VAV3: variants seen among roughly 807,000 people sequenced by gnomAD.
The protein encoded by VAV3 is vav guanine nucleotide exchange factor 3.
In VAV3, 94 loss-of-function variants were observed where a neutral mutation model predicts 131.2. That is an observed-to-expected ratio of 0.72 (90% CI 0.61 to 0.85). The LOEUF (loss-of-function observed/expected upper bound fraction) is 0.85. VAV3 is among the 40% of genes least tolerant of loss of function. VAV3 has a pLI of 0.00. For missense variants in VAV3, 939 were observed against 1,002.7 expected (o/e 0.94, Z 0.86); for synonymous variants, 349 against 342.0 (o/e 1.02, Z -0.22).
chr1:107,839,246 C>T (rs1033842717), intron 2 of VAV3, among the ~76,000 whole-genome samples: 1 of 151,974 alleles, frequency 6.6e-6, no homozygotes, highest in African/African-American at 2.4e-5. Context: ...AAGCTTATGA[C>T]CAAATACAAA....
intron 2 of VAV3, among the ~76,000 whole-genome samples, chr1:107,808,034 T>A (rs985934415): frequency 6.6e-6 from 1 of 152,200 alleles, no homozygotes; most frequent in Non-Finnish European, 1.5e-5. Flanking sequence ...TGACCAATGA[T>A]GATTGATTTT....
chr1:107,755,968 TGCAATCG>T (rs1277682148), intron 11 of VAV3, among the ~76,000 whole-genome samples: 1 of 152,238 alleles, frequency 6.6e-6, no homozygotes, highest in African/African-American at 2.4e-5. Flanking sequence ...GTTTTATTTT[TGCAATCG>T]GCTAGTCTTC....
chr1:107,905,420 T>C (rs913257921), intron 1 of VAV3, among the ~76,000 whole-genome samples: 3 of 152,138 alleles, frequency 2.0e-5, no homozygotes, highest in Admixed American at 1.3e-4. Flanking sequence ...TCTGACCAAA[T>C]TGGAAATCTC....
chr1:107,661,390 T>A (rs2101626145), intron 19 of VAV3, among the ~76,000 whole-genome samples: 1 of 152,342 alleles, frequency 6.6e-6, no homozygotes, highest in South Asian at 2.1e-4. Flanking sequence ...ATCATTCTAA[T>A]CCCTCAAGGG....
At chr1:107,692,997 A>AT (rs1659521617) in intron 17 of VAV3, among the ~76,000 whole-genome samples, 1 of 152,140 alleles carries the variant, frequency 6.6e-6, no homozygotes, top group African/African-American at 2.4e-5. Context: ...TAGTGGGGGG[A>AT]AAAGCAAATG....
intron 1 of VAV3, among the ~76,000 whole-genome samples, chr1:107,922,781 C>T (rs958540646): frequency 3.3e-5 from 5 of 149,946 alleles, no homozygotes; most frequent in African/African-American, 7.4e-5. Flanking sequence ...TGAAACCCCG[C>T]CTCTACTAAA....
At chr1:107,940,987 G>C (rs946099168) in intron 1 of VAV3, among the ~76,000 whole-genome samples, 12 of 54,988 alleles carry the variant, frequency 2.2e-4, no homozygotes, top group African/African-American at 5.9e-4. Flanking sequence ...GTATATTTTA[G>C]CACAATTGAA....
chr1:107,670,701 C>G (rs1475639195), intron 19 of VAV3, among the ~76,000 whole-genome samples: 1 of 152,184 alleles, frequency 6.6e-6, no homozygotes, highest in Non-Finnish European at 1.5e-5. Flanking sequence ...CAAATGTTGA[C>G]TTAGTCCCAA....
intron 2 of VAV3, among the ~76,000 whole-genome samples, chr1:107,786,859 T>C (rs1666036169): frequency 6.6e-6 from 1 of 152,174 alleles, no homozygotes; most frequent in African/African-American, 2.4e-5. Flanking sequence ...GCCCCACAAC[T>C]CTATCTTACA....
chr1:107,713,724 A>G (rs1249251758), intron 15 of VAV3, among the ~76,000 whole-genome samples: 1 of 152,166 alleles, frequency 6.6e-6, no homozygotes, highest in Non-Finnish European at 1.5e-5. Flanking sequence ...CGACATCCTT[A>G]TAAATACAAC....
intron 2 of VAV3, among the ~76,000 whole-genome samples, chr1:107,860,103 T>A (rs1360841309): frequency 6.6e-6 from 1 of 152,156 alleles, no homozygotes; most frequent in Admixed American, 6.6e-5. Flanking sequence ...AGATAGTAGA[T>A]GAATCAAATA....
chr1:107,575,162 T>A (rs1445662473), intron 25 of VAV3, among the ~76,000 whole-genome samples: 1 of 152,232 alleles, frequency 6.6e-6, no homozygotes, highest in Non-Finnish European at 1.5e-5. Flanking sequence ...TATATTAACT[T>A]CTCTACCTGT....
chr1:107,652,061 C>T (rs752709038), intron 19 of VAV3, among the ~76,000 whole-genome samples: 8 of 152,158 alleles, frequency 5.3e-5, no homozygotes, highest in Non-Finnish European at 1.0e-4. Flanking sequence ...ACCTAGTGGG[C>T]TGCACTCCCA....
intron 1 of VAV3, among the ~76,000 whole-genome samples, chr1:107,955,526 A>C (rs909067218): frequency 4.6e-5 from 7 of 152,140 alleles, no homozygotes; most frequent in African/African-American, 1.7e-4. Context: ...AAAAAACTGC[A>C]AAACAGCAAG....
chr1:107,948,290 A>G (rs1170879673), intron 1 of VAV3, among the ~76,000 whole-genome samples: 3 of 151,450 alleles, frequency 2.0e-5, no homozygotes, highest in Non-Finnish European at 2.9e-5. Flanking sequence ...AGTGCTTCAC[A>G]TGAGAAATTC....
chr1:107,749,508 T>C lies in VAV3; in HGVS notation c.1346A>G (p.Gln449Arg). 1 of 1,611,928 alleles carries C rather than the reference T, an allele frequency of 6.2e-7. No homozygotes were observed. Among genetic ancestry groups the C allele is most frequent in the Non-Finnish European group, 8.5e-7 (1 of 1,179,348 alleles). Residue 449 changes from glutamine (Q) to arginine (R), a missense_variant, in exon 14 of 27, where the codon CAG (glutamine) becomes CGG (arginine). Transcript: ENST00000370056. ...YEMKEIIDLQQYKIANNPTTD... is the reference protein window; with the variant it reads ...YEMKEIIDLQRYKIANNPTTD... ...TGTAGGATTATTGGCTATCTTGTACTGCTGAAGATCTATTATTTCCTTCAT... is the reference window on the plus strand; with the variant it reads ...TGTAGGATTATTGGCTATCTTGTACCGCTGAAGATCTATTATTTCCTTCAT...
At chr1:107,760,293 G>A (rs1057181380) in intron 10 of VAV3, among the ~76,000 whole-genome samples, 16 of 152,094 alleles carry the variant, frequency 1.1e-4, no homozygotes, top group African/African-American at 3.9e-4. Flanking sequence ...GGAAACCATA[G>A]CTTTGTGGGC....
chr1:107,816,164 G>A (rs936121758), intron 2 of VAV3, among the ~76,000 whole-genome samples: 2 of 152,060 alleles, frequency 1.3e-5, no homozygotes, highest in African/African-American at 4.8e-5. Context: ...GAGGACCTCT[G>A]GCCTAACAGA....
At chr1:107,668,923 C>G (rs1272456118) in intron 19 of VAV3, 1 of 987,656 alleles carries the variant, frequency 1.0e-6, no homozygotes, top group Non-Finnish European at 1.2e-6. Context: ...TCACAAGCTA[C>G]TTATCTCAAC....
Sources: allele counts gnomAD v4.1 joint callset (sites outside exome capture counted in the v4.1 genomes callset), GRCh38; gene constraint gnomAD v4.1.1; transcripts MANE v1.5; gene names NCBI Gene and HGNC (gene_info 2026-07-23, HGNC 2026-07-21).